Variants in TRAPPC12 observed in about 807,000 individuals in gnomAD.
TRAPPC12 encodes TPR repeat protein 15.
TRAPPC12 carries 61 observed loss-of-function variants against 69.2 expected under a neutral mutation model. That is an observed-to-expected ratio of 0.88 (90% CI 0.72 to 1.09). The LOEUF (loss-of-function observed/expected upper bound fraction) is 1.09, where lower values mean the gene tolerates loss of function less well. Ranked by LOEUF, TRAPPC12 falls within the 50% of genes least tolerant of loss-of-function variation. The pLI is 0.00. For missense variants in TRAPPC12, 1,101 were observed against 1,016.4 expected (o/e 1.08, Z -1.13); for synonymous variants, 469 against 438.9 (o/e 1.07, Z -0.86).
chr2:3,475,919 C>G (rs978023441), intron 9 of TRAPPC12, among the ~76,000 whole-genome samples: 3 of 152,246 alleles, frequency 2.0e-5, no homozygotes, highest in African/African-American at 7.2e-5. Context: ...TAATCTTGAT[C>G]GGTCTTGATG....
At chr2:3,472,205 C>T (rs1026913568) in intron 9 of TRAPPC12, among the ~76,000 whole-genome samples, 14 of 151,988 alleles carry the variant, frequency 9.2e-5, no homozygotes, top group Admixed American at 3.3e-4. Context: ...GGTGGGGAGA[C>T]GCTGAGGTGG....
intron 7 of TRAPPC12, chr2:3,459,973 G>A (rs1558400928): frequency 2.0e-6 from 1 of 511,176 alleles, no homozygotes; most frequent in South Asian, 2.1e-5. Context: ...TGGAAACGGG[G>A]CCCCCGGTCG....
At chr2:3,408,144 C>T (rs1053152745) in intron 3 of TRAPPC12, among the ~76,000 whole-genome samples, 1 of 152,172 alleles carries the variant, frequency 6.6e-6, no homozygotes, top group Non-Finnish European at 1.5e-5. Flanking sequence ...AAATAAACCT[C>T]CAAACACGTG....
chr2:3,458,563 TGTG>T (rs1403330398), intron 7 of TRAPPC12: 12 of 598,972 alleles, frequency 2.0e-5, no homozygotes, highest in Non-Finnish European at 2.5e-5. Context: ...TGCTGTGGCA[TGTG>T]GTGTGGGTGT....
intron 7 of TRAPPC12, chr2:3,458,246 C>T (rs1398986721): frequency 1.6e-5 from 16 of 987,314 alleles, no homozygotes; most frequent in Non-Finnish European, 1.9e-5. Flanking sequence ...AGCTGCAGCT[C>T]GGGGAGTGCG....
chr2:3,440,004 G>A (rs149114001), intron 5 of TRAPPC12, among the ~76,000 whole-genome samples: 1 of 151,882 alleles, frequency 6.6e-6, no homozygotes, highest in Non-Finnish European at 1.5e-5. Context: ...CTATATTTGT[G>A]AGGACCAATT....
intron 9 of TRAPPC12, among the ~76,000 whole-genome samples, chr2:3,470,101 G>A (rs945003459): frequency 4.1e-4 from 63 of 152,230 alleles, no homozygotes; most frequent in African/African-American, 1.5e-3. Context: ...GCTAGGAAAT[G>A]TCCCCAGCAG....
intron 2 of TRAPPC12, among the ~76,000 whole-genome samples, chr2:3,401,020 C>T (rs1234360290): frequency 6.6e-6 from 1 of 152,228 alleles, no homozygotes; most frequent in Admixed American, 6.5e-5. Context: ...TTCTTCAGCA[C>T]CGTCTAAAGA....
chr2:3,383,497 C>G (rs954208935), intron 1 of TRAPPC12, among the ~76,000 whole-genome samples: 5 of 150,122 alleles, frequency 3.3e-5, no homozygotes, highest in African/African-American at 1.2e-4. Context: ...CTCCTGGGTT[C>G]AAGCGATTCT....
chr2:3,416,909 G>A lies in TRAPPC12; in HGVS notation c.1165-4972G>A, dbSNP rs1268243614. The stretch of plus-strand genomic sequence containing the variant: ...TGCCCTCCCCCTGCCCCTTCACTGT[G>A]CCCTCCCCCTGCCCCTTCACTGTGC... On this transcript the variant is annotated intron_variant, in intron 3 of 11. Coordinates refer to ENST00000324266, the MANE Select transcript of TRAPPC12 (RefSeq NM_016030.6). 7.8e-4 allele frequency among the ~76,000 whole-genome samples: 105 copies of A among 135,018 alleles called. 1 individual carries two copies. Among genetic ancestry groups the A allele is most frequent in the Non-Finnish European group, 2.4e-4 (15 of 63,802 alleles). 88.6% of individuals were successfully genotyped at this position (135,018 alleles called of 152,430 possible). A position where few individuals can be genotyped will look rare whatever the true frequency, so the allele number is the denominator to read the frequency against.
intron 1 of TRAPPC12, among the ~76,000 whole-genome samples, chr2:3,383,010 T>C (rs1660297684): frequency 6.6e-6 from 1 of 152,248 alleles, no homozygotes; most frequent in Non-Finnish European, 1.5e-5. Context: ...TCAAGATGTA[T>C]AGTTATCAAA....
In TRAPPC12 at chr2:3,419,643, A is replaced by C. The variant is rs78985143; in HGVS notation, c.1165-2238A>C. On this transcript the variant is annotated intron_variant, in intron 3 of 11. Coordinates refer to ENST00000324266, the MANE Select transcript of TRAPPC12 (RefSeq NM_016030.6). The stretch of plus-strand genomic sequence containing the variant: ...TGTACGCTCTGGTGTCCTCATTTCC[A>C]AAAAAAAAAAAAAAAAATCTACAAG... Among the ~76,000 whole-genome samples the C allele has an allele frequency of 9.2e-3, 894 of 97,110 alleles. 3 individuals carry two copies. Among genetic ancestry groups the C allele is most frequent in the Admixed American group, 0.018 (196 of 10,864 alleles). The allele number at this position is 97,110 out of a possible 152,430, so 63.7% of individuals were successfully genotyped here.
At chr2:3,449,762 T>C (rs1428284648) in intron 6 of TRAPPC12, among the ~76,000 whole-genome samples, 1 of 152,120 alleles carries the variant, frequency 6.6e-6, no homozygotes, top group Admixed American at 6.5e-5. Flanking sequence ...CAGTGGCCAG[T>C]TATTGCCATC....
rs143380863 is a variant in TRAPPC12 at position 3,388,477 on chromosome 2, C to T, written c.854C>T (p.Ala285Val). 1.2e-5 allele frequency: 19 copies of T among 1,612,410 alleles called. No homozygotes were observed. The African/African-American group carries it at 2.4e-4, about 20-fold the overall frequency. Residue 285 changes from alanine to valine, a missense_variant, in exon 2 of 12, where the codon GCA becomes GTA. By Grantham distance (64) the Ala-to-Val change is moderately conservative. Coordinates refer to ENST00000324266, the MANE Select transcript of TRAPPC12 (RefSeq NM_016030.6). ...CCAGAGCCTTTCGCGCACATCCAGG[C>T]AGTGTTTGCAGGGAGTGACGACCCC... ...ASPEPFAHIQAVFAGSDDPFA... is the reference protein window; with the variant it reads ...ASPEPFAHIQVVFAGSDDPFA...
rs528078319 is a variant in TRAPPC12, at chr2:3,406,098, A to G, written c.1164+4205A>G. On this transcript the variant is annotated intron_variant, in intron 3 of 11. Transcript: ENST00000324266. ...GAGACTGAAGGACCCTTCCAGACTC[A>G]GAGAAGCCAAACCTTCCCCAGAGAC... Among the ~76,000 whole-genome samples, 10 of 152,286 alleles carry G rather than the reference A, an allele frequency of 6.6e-5. 1 individual carries two copies. Among genetic ancestry groups the G allele is most frequent in the Admixed American group, 5.9e-4 (9 of 15,286 alleles).
chr2:3,428,409 G>A (rs563599045), intron 5 of TRAPPC12, among the ~76,000 whole-genome samples: 11 of 151,984 alleles, frequency 7.2e-5, no homozygotes, highest in East Asian at 1.9e-4. Flanking sequence ...CTTCATTTTC[G>A]CTTGCAATAT....
At chr2:3,439,492 G>A (rs558473186) in intron 5 of TRAPPC12, among the ~76,000 whole-genome samples, 20 of 152,116 alleles carry the variant, frequency 1.3e-4, no homozygotes, top group Non-Finnish European at 2.4e-4. Flanking sequence ...CGATCAGCTC[G>A]CCTCAGCCTC....
chr2:3,405,234 C>T (rs1170221965), intron 3 of TRAPPC12, among the ~76,000 whole-genome samples: 1 of 152,054 alleles, frequency 6.6e-6, no homozygotes, highest in Non-Finnish European at 1.5e-5. Context: ...GAAAAACTAA[C>T]ATAGTCCAAA....
At chr2:3,466,147 A>G (rs1019257134) in intron 9 of TRAPPC12, 2 of 415,370 alleles carry the variant, frequency 4.8e-6, no homozygotes, top group African/African-American at 2.0e-5. Flanking sequence ...CCCCTTTGCT[A>G]AGAATGTCCT....
Sources: gnomAD v4.1 joint callset for allele counts (sites outside exome capture counted in the v4.1 genomes callset) on GRCh38, gnomAD v4.1.1 for gene constraint, MANE v1.5 for transcripts, NCBI Gene and HGNC (gene_info 2026-07-23, HGNC 2026-07-21) for gene names.